Variants in ARL10 observed in about 807,000 individuals in gnomAD.
The protein encoded by ARL10 is ARF like GTPase 10.
ARL10 carries 23 observed loss-of-function variants against 26.1 expected under a neutral mutation model. The observed-to-expected ratio is 0.88, with a 90% CI of 0.63 to 1.25. The LOEUF (loss-of-function observed/expected upper bound fraction) is 1.25, where lower values mean the gene tolerates loss of function less well. ARL10 is among the 50% of genes most tolerant of loss of function. The probability of loss-of-function intolerance (pLI) is 0.00; values close to 1 mark genes in which losing one functional copy is unlikely to be tolerated. For synonymous variants in ARL10, 138 were observed against 149.1 expected (o/e 0.93, Z 0.54); for missense variants, 300 against 323.6 (o/e 0.93, Z 0.56).
At chr5:176,408,417 T>C in the ARL10 span, among the ~76,000 whole-genome samples, 2 of 151,616 alleles carry the variant, frequency 1.3e-5, no homozygotes, top group Non-Finnish European at 2.9e-5. Context: ...GTGCCTGTAA[T>C]CCCAGCTACT....
Position 176,398,090 on chromosome 5 carries a change from G to A in ARL10, c.134-3651G>A, listed in dbSNP as rs751862232. The A allele has an allele frequency of 5.1e-6, 8 of 1,566,928 alleles. No individual in the cohort carries two copies. In the Admixed American group the frequency reaches 1.3e-4, roughly 26 times the overall value. On this transcript the variant is annotated intron_variant, in intron 1 of 1. Transcript: ENST00000514533. ...AGCAGTCTATCCAGCCAGCACACCT[G>A]CCCCGCTGTCTCTGCTGCCCCTGCT...
At chr5:176,406,487 A>G, downstream of ARL10, 2 of 1,206,432 alleles carry the variant, frequency 1.7e-6, no homozygotes, top group Non-Finnish European at 2.1e-6. Context: ...AATCTAAGCT[A>G]AGCTGAGCTG....
chr5:176,398,915 T>G (rs1311589949), intron 1 of ARL10, among the ~76,000 whole-genome samples: 1 of 151,014 alleles, frequency 6.6e-6, no homozygotes, highest in African/African-American at 2.4e-5. Context: ...CAATGTTGGT[T>G]CACTGCAACC....
At chr5:176,409,737 C>T in the ARL10 span, among the ~76,000 whole-genome samples, 1 of 152,128 alleles carries the variant, frequency 6.6e-6, no homozygotes, top group Non-Finnish European at 1.5e-5. Flanking sequence ...TTAACAACAG[C>T]CTGGTTTTCT....
chr5:176,390,550 C>T (rs1344823816), downstream of ARL10, among the ~76,000 whole-genome samples: 1 of 152,208 alleles, frequency 6.6e-6, no homozygotes, highest in African/African-American at 2.4e-5. Context: ...CTGCCTCAGC[C>T]TCCCGAGTAG....
downstream of ARL10, chr5:176,389,287 G>A (rs371189037): frequency 3.8e-6 from 6 of 1,580,922 alleles, no homozygotes; most frequent in African/African-American, 8.1e-5. Context: ...AATGACCTGC[G>A]GGGCCCGACC....
chr5:176,387,079 T>C, intron 1 of ARL10: 1 of 303,352 alleles, frequency 3.3e-6, no homozygotes, highest in East Asian at 5.9e-5. Flanking sequence ...TCTCTCTCTC[T>C]TTTTTTTTTT....
At chr5:176,367,624 C>G (rs906360617) in intron 2 of ARL10, among the ~76,000 whole-genome samples, 4 of 152,230 alleles carry the variant, frequency 2.6e-5, no homozygotes, top group Non-Finnish European at 5.9e-5. Flanking sequence ...CTTGCAGTGC[C>G]TCAGCACCCC....
Position 176,380,381 on chromosome 5 carries a change from G to A in ARL10, c.*8486G>A, listed in dbSNP as rs1277893933. 6.6e-6 allele frequency: 1 copy of A among 150,676 alleles called. No homozygotes were observed. The highest frequency in any genetic ancestry group is 1.5e-5 in the Non-Finnish European group (1 of 67,810). The allele number at this position is 150,676 out of a possible 1,614,324, so 9.3% of individuals were successfully genotyped here. A position where few individuals can be genotyped will look rare whatever the true frequency, so the allele number is the denominator to read the frequency against. The stretch of plus-strand genomic sequence containing the variant: ...CCATAAATAAACAGTTTTATTTAAA[G>A]TTTCCTCATCGTGGCCATTTTAATT... On this transcript the variant is annotated 3_prime_UTR_variant, in exon 4 of 4. Coordinates refer to ENST00000310389, the MANE Select transcript of ARL10 (RefSeq NM_173664.6).
At chr5:176,384,143 C>T, downstream of ARL10, 1 of 1,613,212 alleles carries the variant, frequency 6.2e-7, no homozygotes, top group East Asian at 2.2e-5. Flanking sequence ...CCTCTGGAGC[C>T]ACACAGCACC....
At chr5:176,412,499 C>A in the ARL10 span, among the ~76,000 whole-genome samples, 1 of 152,188 alleles carries the variant, frequency 6.6e-6, no homozygotes, top group Non-Finnish European at 1.5e-5. Flanking sequence ...CTGCTGTTAT[C>A]TGCAAGGCTC....
chr5:176,389,198 G>C (rs1257039238), downstream of ARL10: 7 of 1,175,052 alleles, frequency 6.0e-6, no homozygotes, highest in Non-Finnish European at 6.0e-6. Context: ...GGAAGACCTC[G>C]ACTCGACCTA....
At chr5:176,394,533 T>C (rs999802749) in intron 1 of ARL10, among the ~76,000 whole-genome samples, 36 of 151,830 alleles carry the variant, frequency 2.4e-4, no homozygotes, top group African/African-American at 7.5e-4. Context: ...ATTAGCTGGG[T>C]GTGGCCAGGC....
At position 176,366,523 on chromosome 5, in the gene ARL10, C is replaced by G; in HGVS notation, c.327C>G (p.Thr109=). ...CACCGCTGGAAGGCCACATCCCCAC[C>G]TGGGGCTTCAACTCCGTGCGTCTGC... The part of the protein sequence containing the change: ...GKPPLEGHIP[T]WGFNSVRLPT... Residue 109 remains threonine, a synonymous_variant, in exon 2 of 4, where the codon ACC becomes ACG. Coordinates refer to ENST00000310389, the MANE Select transcript of ARL10 (RefSeq NM_173664.6). 6.2e-7 allele frequency: 1 copy of G among 1,614,166 alleles called. No individual in the cohort carries two copies. The highest frequency in any genetic ancestry group is 8.5e-7 in the Non-Finnish European group (1 of 1,180,026).
Position 176,393,789 on chromosome 5 carries a change from T to A in ARL10, c.134-7952T>A, listed in dbSNP as rs1756364467. The stretch of plus-strand genomic sequence containing the variant: ...GACTAAGGGACAGTGGGGAAACAAG[T>A]AAATACAGTCTAGTGGACAAAATCT... On this transcript the variant is annotated intron_variant, in intron 1 of 1. Transcript: ENST00000514533. The surrounding 1 kb of genome is among the most constrained non-coding windows in gnomAD (Gnocchi z 4.4). Among the ~76,000 whole-genome samples the A allele has an allele frequency of 6.6e-6, 1 of 152,122 alleles. No homozygotes were observed. Among genetic ancestry groups the A allele is most frequent in the South Asian group, 2.1e-4 (1 of 4,826 alleles).
Position 176,401,745 on chromosome 5 carries a change from T to G in ARL10, c.140T>G (p.Leu47Ter), listed in dbSNP as rs542468395. 4.4e-6 allele frequency: 2 copies of G among 456,278 alleles called. No individual in the cohort carries two copies. The highest frequency in any genetic ancestry group is 8.8e-6 in the Non-Finnish European group (2 of 226,966). The allele number at this position is 456,278 out of a possible 1,614,324, so 28.3% of individuals were successfully genotyped here. ...TTTCTTGGATTTTTGTTCCAGATGTTAAAATGAAAACAGCGACACTGAACA... is the reference window on the plus strand; with the variant it reads ...TTTCTTGGATTTTTGTTCCAGATGTGAAAATGAAAACAGCGACACTGAACA... Residue 47 changes from leucine (L) to a stop codon, truncating the protein, a stop_gained, in exon 2 of 2, where the codon TTA (leucine) becomes TGA (stop). Coordinates refer to the ARL10 transcript ENST00000514533. LOFTEE classifies it high-confidence loss of function.
chr5:176,387,000 A>C, intron 1 of ARL10: 1 of 1,109,884 alleles, frequency 9.0e-7, no homozygotes, highest in Non-Finnish European at 1.4e-6. Flanking sequence ...ACTAACCCAT[A>C]AGAATCCCTG....
intron 1 of ARL10, chr5:176,387,074 CTCTCT>C (rs1459919068): frequency 0.011 from 5,946 of 529,874 alleles, no homozygotes; most frequent in East Asian, 0.013. Context: ...TTCTCTCTCT[CTCTCT>C]TTTTTTTTTT....
Position 176,376,392 on chromosome 5 carries a change from C to T in ARL10, c.*4497C>T, listed in dbSNP as rs1768695507. ...AAAAAAAAAAAAAAGGTTAGCATTCCACTCTTCCTTTGGGGTTTCAGGGTG... is the reference window on the plus strand; with the variant it reads ...AAAAAAAAAAAAAAGGTTAGCATTCTACTCTTCCTTTGGGGTTTCAGGGTG... On this transcript the variant is annotated 3_prime_UTR_variant, in exon 4 of 4. Coordinates refer to ENST00000310389, the MANE Select transcript of ARL10 (RefSeq NM_173664.6). 1 of 151,470 alleles carries T rather than the reference C, an allele frequency of 6.6e-6. No homozygotes were observed. Among genetic ancestry groups the T allele is most frequent in the South Asian group, 2.1e-4 (1 of 4,808 alleles). The allele number at this position is 151,470 out of a possible 1,614,324, so 9.4% of individuals were successfully genotyped here.
Sources: gnomAD v4.1 joint callset for allele counts (sites outside exome capture counted in the v4.1 genomes callset) on GRCh38, gnomAD v4.1.1 for gene constraint, Gnocchi (gnomAD v3.1) non-coding constraint, MANE v1.5 for transcripts, NCBI Gene and HGNC (gene_info 2026-07-23, HGNC 2026-07-21) for gene names.